ARPIN: variants seen among roughly 807,000 people sequenced by gnomAD.
The protein encoded by ARPIN is actin related protein 2/3 complex inhibitor, also known as UPF0552 protein C15orf38.
In ARPIN, 23 loss-of-function variants were observed where a neutral mutation model predicts 25.9. That is an observed-to-expected ratio of 0.89 (90% CI 0.64 to 1.26). The LOEUF is 1.26. Ranked by LOEUF, ARPIN falls within the 50% of genes most tolerant of loss-of-function variation. The pLI is 0.00. For synonymous variants in ARPIN, 126 were observed against 131.4 expected (o/e 0.96, Z 0.28); for missense variants, 333 against 312.2 (o/e 1.07, Z -0.50).
chr15:89,895,480 G>C lies in ARPIN; in HGVS notation c.*6315C>G, dbSNP rs1467571166. 6.6e-6 allele frequency: 1 copy of C among 152,288 alleles called. No individual in the cohort carries two copies. Among genetic ancestry groups the C allele is most frequent in the African/African-American group, 2.4e-5 (1 of 41,458 alleles). The allele number at this position is 152,288 out of a possible 1,614,324, so 9.4% of individuals were successfully genotyped here. A position where few individuals can be genotyped will look rare whatever the true frequency, so the allele number is the denominator to read the frequency against. On this transcript the variant is annotated 3_prime_UTR_variant, in exon 6 of 6. Coordinates refer to ENST00000357484, the MANE Select transcript of ARPIN (RefSeq NM_182616.4). ...CGGACTGCCTGGGCACCCTGGGCAA[G>C]TTTCCCCATCTGTAGAAAAGGTGTA...
At chr15:89,911,543 G>A (rs944335782) in intron 1 of ARPIN, among the ~76,000 whole-genome samples, 2 of 152,128 alleles carry the variant, frequency 1.3e-5, no homozygotes, top group African/African-American at 4.8e-5. Flanking sequence ...ATGGGAGTGG[G>A]AAGTGAAAAC....
In ARPIN at chr15:89,901,667, G is replaced by A; in HGVS notation, c.*128C>T. The A allele has an allele frequency of 4.4e-6, 5 of 1,125,508 alleles. No homozygotes were observed. Among genetic ancestry groups the A allele is most frequent in the Non-Finnish European group, 6.6e-6 (5 of 762,276 alleles). 69.7% of individuals were successfully genotyped at this position (1,125,508 alleles called of 1,614,324 possible). A position where few individuals can be genotyped will look rare whatever the true frequency, so the allele number is the denominator to read the frequency against. Reference sequence around the variant, plus strand: ...GAGCTTGTTCAAAGAGTATTCCAAGGTGGCTATGGGGAAGAACCAGGTAAG... The same window carrying A: ...GAGCTTGTTCAAAGAGTATTCCAAGATGGCTATGGGGAAGAACCAGGTAAG... On this transcript the variant is annotated 3_prime_UTR_variant, in exon 6 of 6. Coordinates refer to ENST00000357484, the MANE Select transcript of ARPIN (RefSeq NM_182616.4).
At chr15:89,906,478 G>A (rs1897122011) in intron 3 of ARPIN, among the ~76,000 whole-genome samples, 1 of 152,104 alleles carries the variant, frequency 6.6e-6, no homozygotes, top group Non-Finnish European at 1.5e-5. Context: ...GTTATTCCCT[G>A]CTCTAGGGCA....
At chr15:89,908,458 A>G (rs1043578107) in intron 2 of ARPIN, 46 bp from the exon 3 acceptor site, 1 of 1,606,942 alleles carries the variant, frequency 6.2e-7, no homozygotes, top group Non-Finnish European at 8.5e-7. Flanking sequence ...TCATCCCACA[A>G]CACACACACT....
chr15:89,902,940 G>A, intron 5 of ARPIN: 2 of 1,382,256 alleles, frequency 1.4e-6, no homozygotes, highest in African/African-American at 1.5e-5. Flanking sequence ...TAATGACCAT[G>A]ATTAATATCC....
intron 5 of ARPIN, 23 bp from the exon 6 acceptor site, chr15:89,901,826 G>A (rs1174532642): frequency 1.2e-6 from 2 of 1,613,624 alleles, no homozygotes; most frequent in African/African-American, 1.3e-5. Context: ...AAGGGGTAAA[G>A]AGATGTGGAG....
chr15:89,911,491 T>G (rs1897222850), intron 1 of ARPIN, among the ~76,000 whole-genome samples: 1 of 152,022 alleles, frequency 6.6e-6, no homozygotes, highest in African/African-American at 2.4e-5. Context: ...TCCACAGAAA[T>G]GGAGAAGCAT....
chr15:89,902,485 T>C (rs541592538), intron 5 of ARPIN, among the ~76,000 whole-genome samples: 1 of 151,346 alleles, frequency 6.6e-6, no homozygotes, highest in Non-Finnish European at 1.5e-5. Context: ...TTGGGTAAAA[T>C]ATACTTCAGA....
At chr15:89,905,822 T>TTA (rs1158312750) in intron 3 of ARPIN, among the ~76,000 whole-genome samples, 2 of 152,054 alleles carry the variant, frequency 1.3e-5, no homozygotes, top group Non-Finnish European at 2.9e-5. Flanking sequence ...CTGGGTCCAC[T>TTA]TCCATAGCTT....
intron 1 of ARPIN, 167 bp downstream of exon 1, chr15:89,912,577 G>A (rs1897244560): frequency 1.5e-6 from 2 of 1,346,704 alleles, no homozygotes; most frequent in Non-Finnish European, 1.9e-6. Flanking sequence ...CGGGCGCGGC[G>A]GCAGGGGCGC....
chr15:89,903,689 C>T, intron 4 of ARPIN, 88 bp downstream of exon 4: 1 of 1,561,076 alleles, frequency 6.4e-7, no homozygotes, highest in Non-Finnish European at 8.7e-7. Context: ...CCCTTGCCTG[C>T]TCCCATGAGC....
chr15:89,901,674 T>C lies in ARPIN; in HGVS notation c.*121A>G, dbSNP rs568651355. 47 of 1,221,154 alleles carry C rather than the reference T, an allele frequency of 3.8e-5. No homozygotes were observed. The highest frequency in any genetic ancestry group is 1.9e-4 in the Middle Eastern group (1 of 5,304). The allele number at this position is 1,221,154 out of a possible 1,614,324, so 75.6% of individuals were successfully genotyped here. On this transcript the variant is annotated 3_prime_UTR_variant, in exon 6 of 6. Transcript: ENST00000357484. ...TTCAAAGAGTATTCCAAGGTGGCTA[T>C]GGGGAAGAACCAGGTAAGACTTGGC...
At chr15:89,912,590 G>A in intron 1 of ARPIN, 154 bp downstream of exon 1, 1 of 1,342,546 alleles carries the variant, frequency 7.4e-7, no homozygotes, top group South Asian at 1.8e-5. Context: ...AGGGGCGCCG[G>A]GAGCGGCGGA....
At chr15:89,912,602 TGGAGGGGCGGACTGAAGGC>T (rs1287282148) in intron 1 of ARPIN, 123 bp downstream of exon 1, 1 of 1,346,668 alleles carries the variant, frequency 7.4e-7, no homozygotes, top group Admixed American at 4.1e-5. Context: ...AGCGGCGGAC[TGGAGGGGCGGACTGAAGGC>T]GGAGAGGCGG....
In ARPIN at chr15:89,896,222, T is replaced by A. The variant is rs886123476; in HGVS notation, c.*5573A>T. 1.3e-5 allele frequency: 2 copies of A among 152,104 alleles called. No individual in the cohort carries two copies. The highest frequency in any genetic ancestry group is 4.8e-5 in the African/African-American group (2 of 41,408). The allele number at this position is 152,104 out of a possible 1,614,324, so 9.4% of individuals were successfully genotyped here. ...TTTTTAAATAAATAAAAACCAAAAGTCAGTTGCACTGAAACTTGACAAAAT... is the reference window on the plus strand; with the variant it reads ...TTTTTAAATAAATAAAAACCAAAAGACAGTTGCACTGAAACTTGACAAAAT... On this transcript the variant is annotated 3_prime_UTR_variant, in exon 6 of 6. Transcript: ENST00000357484.
intron 3 of ARPIN, among the ~76,000 whole-genome samples, chr15:89,905,024 CTTTT>C (rs34676869): frequency 1.4e-5 from 2 of 139,290 alleles, no homozygotes; most frequent in Admixed American, 7.1e-5. Context: ...CCTGTCAACC[CTTTT>C]TTTTTTTTTT....
chr15:89,905,500 C>T (rs1057374409), intron 3 of ARPIN, among the ~76,000 whole-genome samples: 8 of 152,074 alleles, frequency 5.3e-5, no homozygotes, highest in Non-Finnish European at 1.2e-4. Context: ...GGCCTTCCTG[C>T]GTTCTGGCTT....
intron 1 of ARPIN, 81 bp downstream of exon 1, chr15:89,912,663 T>TTTGGCCCCCC: frequency 1.1e-6 from 1 of 871,108 alleles, no homozygotes. Flanking sequence ...CCCACCCGCA[T>TTTGGCCCCCC]CCCACCCCCC....
chr15:89,907,667 G>T (rs1212090478), intron 3 of ARPIN, among the ~76,000 whole-genome samples: 1 of 152,176 alleles, frequency 6.6e-6, no homozygotes, highest in African/African-American at 2.4e-5. Context: ...AGTAGGTGCA[G>T]TGGCACACAC....
Sources: allele counts gnomAD v4.1 joint callset (sites outside exome capture counted in the v4.1 genomes callset), GRCh38; gene constraint gnomAD v4.1.1; transcripts MANE v1.5; gene names NCBI Gene and HGNC (gene_info 2026-07-23, HGNC 2026-07-21).